The following PIP5K1B variants were observed in gnomAD, a reference collection of about 807,000 sequenced individuals.
The protein encoded by PIP5K1B is phosphatidylinositol 4-phosphate 5-kinase type-1 beta.
In PIP5K1B, 42 loss-of-function variants were observed where a neutral mutation model predicts 67.0. That is an observed-to-expected ratio of 0.63 (90% CI 0.49 to 0.81). PIP5K1B has a LOEUF of 0.81. Among genes scored for constraint, PIP5K1B ranks in the 30% least tolerant of loss-of-function variants. The pLI, the probability that PIP5K1B is intolerant of heterozygous loss-of-function variation, is 0.00. For missense variants in PIP5K1B, 459 were observed against 646.3 expected (o/e 0.71, Z 3.14); for synonymous variants, 214 against 231.4 (o/e 0.92, Z 0.68).
chr9:68,748,892 G>A (rs953323490), intron 2 of PIP5K1B, among the ~76,000 whole-genome samples: 12 of 152,110 alleles, frequency 7.9e-5, no homozygotes, highest in South Asian at 2.1e-4. Context: ...GATTACAGGC[G>A]TGACCCACCG....
At chr9:68,833,573 C>T (rs1178461929) in intron 4 of PIP5K1B, among the ~76,000 whole-genome samples, 1 of 151,974 alleles carries the variant, frequency 6.6e-6, no homozygotes, top group Non-Finnish European at 1.5e-5. Flanking sequence ...CCCCCCACCC[C>T]CCGACAACAA....
At chr9:68,906,288 G>A (rs145937055) in intron 8 of PIP5K1B, among the ~76,000 whole-genome samples, 2,038 of 152,214 alleles carry the variant, frequency 0.013, 45 homozygotes, top group African/African-American at 0.046. Context: ...CAAAGTGCTG[G>A]GATTACAGGT....
At chr9:68,734,214 C>A (rs1828610964) in intron 1 of PIP5K1B, among the ~76,000 whole-genome samples, 1 of 152,096 alleles carries the variant, frequency 6.6e-6, no homozygotes, top group Non-Finnish European at 1.5e-5. Context: ...GATCAAGGCA[C>A]AAAGTATATA....
At position 68,898,445 on chromosome 9, in the gene PIP5K1B, G is replaced by A. The variant is rs140438174; in HGVS notation, c.771+3807G>A. ...TACCCACAAGTTAATTTGAGCCAAG[G>A]AAAGAGTGGTGACATTGAGTACTAC... is the stretch of plus-strand genomic sequence containing the variant. On this transcript the variant is annotated intron_variant, in intron 8 of 15. Transcript: ENST00000265382. Among the ~76,000 whole-genome samples, 761 of 152,252 alleles carry A rather than the reference G, an allele frequency of 5.0e-3. 9 individuals carry two copies. The highest frequency in any genetic ancestry group is 0.018 in the African/African-American group (732 of 41,528).
intron 12 of PIP5K1B, among the ~76,000 whole-genome samples, chr9:68,934,158 A>G (rs766155160): frequency 3.9e-5 from 6 of 152,238 alleles, no homozygotes; most frequent in Non-Finnish European, 8.8e-5. Flanking sequence ...CTGCCGCTTA[A>G]GCAGCTTCCA....
At chr9:68,941,170 C>T (rs766948591) in intron 14 of PIP5K1B, 9 of 454,346 alleles carry the variant, frequency 2.0e-5, no homozygotes, top group Non-Finnish European at 3.5e-5. Flanking sequence ...TATGTGTGAT[C>T]TTAGTGACTA....
chr9:68,792,252 G>A (rs1832014564), intron 2 of PIP5K1B, among the ~76,000 whole-genome samples: 1 of 149,570 alleles, frequency 6.7e-6, no homozygotes, highest in African/African-American at 2.4e-5. Flanking sequence ...ATAATGCAGA[G>A]CACATTATAG....
intron 12 of PIP5K1B, among the ~76,000 whole-genome samples, chr9:68,933,381 A>C (rs1462678214): frequency 6.6e-6 from 1 of 152,234 alleles, no homozygotes; most frequent in African/African-American, 2.4e-5. Context: ...AAACAAGTGT[A>C]ACCACTGTTT....
chr9:69,008,429 CT>C lies in PIP5K1B; in HGVS notation c.1621-12del, dbSNP rs1418213256. On this transcript the variant is annotated splice_polypyrimidine_tract_variant and intron_variant, in intron 15 of 15. Coordinates refer to ENST00000265382, the MANE Select transcript of PIP5K1B (RefSeq NM_003558.4). ...ATGCCAAAATCTAGTCTCACACCTG[CT>C]TTTTTGCTCCCCCCAGTAAGTGAAA... is the stretch of plus-strand genomic sequence containing the variant. 1.2e-6 allele frequency: 2 copies of C among 1,613,478 alleles called. No homozygotes were observed. The highest frequency in any genetic ancestry group is 1.1e-5 in the South Asian group (1 of 91,068).
intron 2 of PIP5K1B, among the ~76,000 whole-genome samples, chr9:68,770,342 A>G (rs1008769825): frequency 4.6e-5 from 7 of 152,206 alleles, no homozygotes; most frequent in Middle Eastern, 6.8e-3. Context: ...CTCAGCTCCT[A>G]AGGAGGGGCA....
chr9:68,790,174 C>T (rs1265177768), intron 2 of PIP5K1B, among the ~76,000 whole-genome samples: 5 of 152,176 alleles, frequency 3.3e-5, no homozygotes, highest in Non-Finnish European at 1.5e-5. Context: ...CCTCTTCTTT[C>T]CCTGTGAGAG....
intron 2 of PIP5K1B, among the ~76,000 whole-genome samples, chr9:68,776,662 A>C (rs576140373): frequency 9.2e-5 from 14 of 152,136 alleles, no homozygotes; most frequent in Admixed American, 7.2e-4. Flanking sequence ...AAATATAAGT[A>C]ATATTTTAAA....
intron 5 of PIP5K1B, among the ~76,000 whole-genome samples, chr9:68,866,732 G>A (rs1378125199): frequency 6.6e-6 from 1 of 152,178 alleles, no homozygotes; most frequent in Non-Finnish European, 1.5e-5. Context: ...TGTAGGAAGA[G>A]GAAGGTGGGG....
Position 68,782,408 on chromosome 9 carries a change from T to G in PIP5K1B, c.-85-36053T>G, listed in dbSNP as rs1831342134. ...ATTAAGACAAAATGTTTAATAAGAA[T>G]AGCAAAAATTTTTTTATATTATGCA... On this transcript the variant is annotated intron_variant, in intron 2 of 15. Coordinates refer to ENST00000265382, the MANE Select transcript of PIP5K1B (RefSeq NM_003558.4). 4.8e-5 allele frequency: 8 copies of G among 166,880 alleles called. No homozygotes were observed. The South Asian group carries it at 1.7e-3, about 35-fold the overall frequency. The allele number at this position is 166,880 out of a possible 1,614,324, so 10.3% of individuals were successfully genotyped here. A position where few individuals can be genotyped will look rare whatever the true frequency, so the allele number is the denominator to read the frequency against.
intron 2 of PIP5K1B, among the ~76,000 whole-genome samples, chr9:68,774,471 T>C (rs1830815460): frequency 2.0e-5 from 3 of 152,352 alleles, no homozygotes; most frequent in East Asian, 3.9e-4. Flanking sequence ...ATTCTTATCC[T>C]ATTCTGTCCT....
chr9:68,933,812 G>A (rs1827125796), intron 12 of PIP5K1B, among the ~76,000 whole-genome samples: 1 of 152,134 alleles, frequency 6.6e-6, no homozygotes, highest in South Asian at 2.1e-4. Flanking sequence ...TCTTTAAGTG[G>A]AGAGATTGTC....
intron 6 of PIP5K1B, among the ~76,000 whole-genome samples, chr9:68,887,882 C>T (rs1247578334): frequency 6.6e-6 from 1 of 151,734 alleles, no homozygotes; most frequent in African/African-American, 2.4e-5. Flanking sequence ...GAACAGGGGG[C>T]AGATGATCTA....
intron 4 of PIP5K1B, 103 bp from the exon 5 acceptor site, chr9:68,863,734 G>C: frequency 1.1e-6 from 1 of 942,166 alleles, no homozygotes; most frequent in Admixed American, 2.5e-5. Context: ...CATTGTTTTG[G>C]AGCAAGAAAG....
intron 15 of PIP5K1B, among the ~76,000 whole-genome samples, chr9:69,006,907 C>G (rs1270946624): frequency 6.6e-6 from 1 of 152,154 alleles, no homozygotes; most frequent in Admixed American, 6.5e-5. Flanking sequence ...TTGTGAGAGA[C>G]CTGCACCATA....
Sources: allele counts gnomAD v4.1 joint callset (sites outside exome capture counted in the v4.1 genomes callset), GRCh38; gene constraint gnomAD v4.1.1; transcripts MANE v1.5; gene names NCBI Gene and HGNC (gene_info 2026-07-23, HGNC 2026-07-21).